NBAS: variants seen among roughly 807,000 people sequenced by gnomAD.
NBAS encodes NAG/BC035112 fusion.
NBAS carries 219 observed loss-of-function variants against 302.5 expected under a neutral mutation model. That is an observed-to-expected ratio of 0.72 (90% CI 0.65 to 0.81). The LOEUF is 0.81. Ranked by LOEUF, NBAS falls within the 30% of genes least tolerant of loss-of-function variation. NBAS has a pLI of 0.00. For synonymous variants in NBAS, 1,118 were observed against 1,021.6 expected, an observed-to-expected ratio of 1.09 and a Z score of -1.80; for missense variants, 2,932 against 2,841.6, an observed-to-expected ratio of 1.03 and a Z score of -0.72.
At chr2:15,373,782 A>G (rs879517712) in intron 31 of NBAS, among the ~76,000 whole-genome samples, 4 of 152,218 alleles carry the variant, frequency 2.6e-5, no homozygotes, top group Admixed American at 6.5e-5. Flanking sequence ...GGAACTTGTA[A>G]GAGATCTAAA....
the NBAS span, among the ~76,000 whole-genome samples, chr2:15,150,415 G>C: frequency 1.3e-5 from 2 of 152,120 alleles, no homozygotes; most frequent in African/African-American, 4.8e-5. Context: ...TGCAATTTGA[G>C]AACTCCATAA....
intron 44 of NBAS, among the ~76,000 whole-genome samples, chr2:15,254,234 T>C (rs1256572100): frequency 3.9e-5 from 6 of 152,014 alleles, no homozygotes; most frequent in African/African-American, 1.2e-4. Flanking sequence ...TACACTCCTA[T>C]GATTGCACCC....
At chr2:15,152,512 G>A in the NBAS span, among the ~76,000 whole-genome samples, 15 of 152,164 alleles carry the variant, frequency 9.9e-5, no homozygotes, top group Non-Finnish European at 2.2e-4. Context: ...TGCAGCAGCC[G>A]AGTTTCAGCC....
intron 44 of NBAS, among the ~76,000 whole-genome samples, chr2:15,245,656 C>T (rs113759341): frequency 6.9e-5 from 10 of 144,598 alleles, no homozygotes; most frequent in East Asian, 4.2e-4. Context: ...GACGGACGGA[C>T]GGACGGATGG....
chr2:14,990,296 C>T, the NBAS span, among the ~76,000 whole-genome samples: 12 of 150,114 alleles, frequency 8.0e-5, no homozygotes, highest in Non-Finnish European at 1.5e-4. Context: ...TGGTGGTGCA[C>T]GCCTGTAGTC....
At chr2:15,059,587 A>G in the NBAS span, among the ~76,000 whole-genome samples, 215 of 152,224 alleles carry the variant, frequency 1.4e-3, 1 homozygote, top group African/African-American at 4.3e-3. Context: ...AGCCCAACAC[A>G]GCCAGCAGAG....
chr2:15,236,851 G>GA (rs1487470523), intron 45 of NBAS, among the ~76,000 whole-genome samples: 1 of 151,978 alleles, frequency 6.6e-6, no homozygotes, highest in Non-Finnish European at 1.5e-5. Flanking sequence ...TCATTAGACA[G>GA]AAAAATAGGC....
intron 25 of NBAS, among the ~76,000 whole-genome samples, chr2:15,407,754 T>C (rs1446957499): frequency 6.6e-6 from 1 of 152,254 alleles, no homozygotes; most frequent in South Asian, 2.1e-4. Flanking sequence ...ATTATTTTTC[T>C]ATGCTGCCAT....
chr2:15,475,823 G>GTCAC lies in NBAS; in HGVS notation c.1201_1204dup (p.Thr402SerfsTer27). 1 of 1,614,066 alleles carries GTCAC rather than the reference G, an allele frequency of 6.2e-7. No individual in the cohort carries two copies. Among genetic ancestry groups the GTCAC allele is most frequent in the Non-Finnish European group, 8.5e-7 (1 of 1,179,964 alleles). On this transcript the variant is annotated frameshift_variant, in exon 14 of 52. Coordinates refer to ENST00000281513, the MANE Select transcript of NBAS (RefSeq NM_015909.4). LOFTEE classifies it high-confidence loss of function. ...TAAAGCACCAGAGCATCGAGCTAAA[G>GTCAC]TCACTGCACTGTCTGCCCACCAATT... is the stretch of plus-strand genomic sequence containing the variant.
At chr2:14,951,526 G>T in the NBAS span, among the ~76,000 whole-genome samples, 1 of 152,148 alleles carries the variant, frequency 6.6e-6, no homozygotes, top group African/African-American at 2.4e-5. Flanking sequence ...CTCACTCTGC[G>T]GATCACATCA....
intron 21 of NBAS, among the ~76,000 whole-genome samples, chr2:15,460,579 C>G (rs1312678432): frequency 6.6e-6 from 1 of 152,154 alleles, no homozygotes; most frequent in Non-Finnish European, 1.5e-5. Flanking sequence ...AAATGTACTC[C>G]CTCTCCTTTA....
At chr2:14,963,545 G>A in the NBAS span, among the ~76,000 whole-genome samples, 1 of 152,194 alleles carries the variant, frequency 6.6e-6, no homozygotes, top group African/African-American at 2.4e-5. Flanking sequence ...GAAGGTGTGT[G>A]TTTAACACCT....
the NBAS span, among the ~76,000 whole-genome samples, chr2:14,799,545 G>C: frequency 2.0e-5 from 3 of 151,916 alleles, no homozygotes; most frequent in Non-Finnish European, 4.4e-5. Context: ...GCTGTTATTG[G>C]TACTCTGTTC....
Position 15,167,873 on chromosome 2 carries a change from C to G in NBAS, c.6841-550G>C, listed in dbSNP as rs1008920114. Among the ~76,000 whole-genome samples the G allele has an allele frequency of 2.0e-5, 3 of 152,112 alleles. No homozygotes were observed. The East Asian group carries it at 5.8e-4, about 29-fold the overall frequency. On this transcript the variant is annotated intron_variant, in intron 51 of 51. Transcript: ENST00000281513. ...AAAAAATTTTTTTGGAACAAGAAAACCTTTTTTGTACTCCATTGAGAGAAG... is the reference window on the plus strand; with the variant it reads ...AAAAAATTTTTTTGGAACAAGAAAAGCTTTTTTGTACTCCATTGAGAGAAG...
chr2:15,133,887 A>T, the NBAS span, among the ~76,000 whole-genome samples: 1 of 152,164 alleles, frequency 6.6e-6, no homozygotes, highest in Non-Finnish European at 1.5e-5. Context: ...TTATGAATGT[A>T]GAGGATGAAT....
At chr2:14,892,219 C>G in the NBAS span, among the ~76,000 whole-genome samples, 1 of 152,120 alleles carries the variant, frequency 6.6e-6, no homozygotes, top group Non-Finnish European at 1.5e-5. Context: ...CACAGTAAAG[C>G]CTTCAGCAAA....
chr2:15,144,037 CTATATATAAAAATATA>C, the NBAS span, among the ~76,000 whole-genome samples: 5 of 45,890 alleles, frequency 1.1e-4, no homozygotes, highest in Non-Finnish European at 1.5e-4. Context: ...ATATATTATC[CTATATATAAAAATATA>C]TATATATATA....
chr2:15,396,738 T>TA lies in NBAS; in HGVS notation c.3072-264dup, dbSNP rs3832117. Among the ~76,000 whole-genome samples, 93,328 of 151,198 alleles carry TA rather than the reference T, an allele frequency of 0.62. 29,551 individuals are homozygous for TA. The highest frequency in any genetic ancestry group is 0.68 in the Middle Eastern group (198 of 290). The stretch of plus-strand genomic sequence containing the variant: ...CTTTTGGTTCAGTTGTGCTTAAAGG[T>TA]AAAAAAATATATAAATCGATTGTTT... On this transcript the variant is annotated intron_variant, in intron 26 of 51. Coordinates refer to ENST00000281513, the MANE Select transcript of NBAS (RefSeq NM_015909.4).
At chr2:15,356,719 GA>G (rs927078637) in intron 32 of NBAS, among the ~76,000 whole-genome samples, 1 of 152,162 alleles carries the variant, frequency 6.6e-6, no homozygotes, top group Non-Finnish European at 1.5e-5. Flanking sequence ...CAGGGTAAGG[GA>G]AAGAGAAGAA....
Sources: allele counts gnomAD v4.1 joint callset (sites outside exome capture counted in the v4.1 genomes callset), GRCh38; gene constraint gnomAD v4.1.1; transcripts MANE v1.5; gene names NCBI Gene and HGNC (gene_info 2026-07-23, HGNC 2026-07-21).